Variants in DMD observed in about 807,000 individuals in gnomAD.
DMD encodes the protein mutant dystrophin.
DMD carries 63 observed loss-of-function variants against 330.1 expected under a neutral mutation model. The ratio of observed to expected loss-of-function variants is 0.19; its 90% CI spans 0.16 to 0.24. The LOEUF (loss-of-function observed/expected upper bound fraction) is 0.24. Ranked by LOEUF, DMD falls within the 10% of genes least tolerant of loss-of-function variation. The pLI is 1.00. For synonymous variants in DMD, 1,223 were observed against 959.8 expected (o/e 1.27, Z -5.07); for missense variants, 3,344 against 2,684.1 (o/e 1.25, Z -5.43).
At chrX:32,625,899 T>TA (rs951740329) in intron 11 of DMD, among the ~76,000 whole-genome samples, 5 of 111,204 alleles carry the variant, frequency 4.5e-5, no homozygotes, top group Admixed American at 9.5e-5. Flanking sequence ...ATCCTCAATT[T>TA]AAAAAAATAC....
At chrX:31,360,573 C>T (rs914903750) in intron 60 of DMD, among the ~76,000 whole-genome samples, 3 of 112,090 alleles carry the variant, frequency 2.7e-5, no homozygotes, top group African/African-American at 3.2e-5. Context: ...CTGCCAGAAA[C>T]GAAAACAAGA....
chrX:31,145,021 A>C (rs1250719183), intron 76 of DMD, among the ~76,000 whole-genome samples: 1 of 112,123 alleles, frequency 8.9e-6, no homozygotes, highest in African/African-American at 3.2e-5. Flanking sequence ...CATTGCTAAG[A>C]ATGAGAACAG....
At chrX:31,316,551 C>G (rs1400481357) in intron 62 of DMD, among the ~76,000 whole-genome samples, 1 of 111,628 alleles carries the variant, frequency 9.0e-6, no homozygotes, top group African/African-American at 3.3e-5. Context: ...CATCTCCCAA[C>G]AAGATCTATA....
chrX:32,318,364 A>T lies in DMD; in HGVS notation c.5923-8088T>A, dbSNP rs187772845. 3.6e-5 allele frequency among the ~76,000 whole-genome samples: 4 copies of T among 111,834 alleles called. No individual in the cohort carries two copies. The East Asian group carries it at 1.1e-3, about 32-fold the overall frequency. On this transcript the variant is annotated intron_variant, in intron 41 of 78. Transcript: ENST00000357033. ...TAAAGCATAAAAACAAAACAACATG[A>T]TGCAGGTGAGACGGGTATGGTTTTA...
intron 47 of DMD, among the ~76,000 whole-genome samples, chrX:31,883,843 A>C (rs977827684): frequency 2.7e-5 from 3 of 110,389 alleles, no homozygotes; most frequent in Admixed American, 9.7e-5. Context: ...ACATGAATAG[A>C]TATTTCTCTA....
chrX:32,458,910 G>T (rs1383004528), intron 25 of DMD, among the ~76,000 whole-genome samples: 2 of 110,937 alleles, frequency 1.8e-5, no homozygotes, highest in Non-Finnish European at 3.8e-5. Flanking sequence ...TCATTTGCCA[G>T]ACATATGATT....
chrX:31,139,474 T>TACACACACAC (rs57784155), intron 76 of DMD, among the ~76,000 whole-genome samples: 6 of 98,585 alleles, frequency 6.1e-5, no homozygotes, highest in African/African-American at 2.3e-4. Context: ...GGTGTTTATA[T>TACACACACAC]ACACACACAC....
At chrX:32,423,594 C>T (rs947318525) in intron 29 of DMD, among the ~76,000 whole-genome samples, 7 of 110,529 alleles carry the variant, frequency 6.3e-5, no homozygotes, top group Non-Finnish European at 1.1e-4. Context: ...CATTTAACTA[C>T]TGTTTTATAT....
chrX:32,475,538 G>T (rs228400), intron 21 of DMD, among the ~76,000 whole-genome samples: 174 of 111,534 alleles, frequency 1.6e-3, no homozygotes, highest in Non-Finnish European at 2.7e-3. Context: ...TTTCAGCAGT[G>T]TTTGGTAGTT....
At chrX:33,260,731 G>A (rs1345331443) in intron 1 of DMD, among the ~76,000 whole-genome samples, 1 of 111,328 alleles carries the variant, frequency 9.0e-6, no homozygotes, top group Non-Finnish European at 1.9e-5. Flanking sequence ...TATTCATTCT[G>A]TTTTCTTGCT....
chrX:32,912,035 G>GAC (rs2087301458), intron 2 of DMD, among the ~76,000 whole-genome samples: 1 of 64,180 alleles, frequency 1.6e-5, no homozygotes, highest in Non-Finnish European at 3.0e-5. Flanking sequence ...GAAGGGGAGA[G>GAC]AGAGAGAGAG....
chrX:32,549,691 A>G (rs1038260948), intron 16 of DMD, among the ~76,000 whole-genome samples: 1 of 111,683 alleles, frequency 9.0e-6, no homozygotes, highest in African/African-American at 3.2e-5. Flanking sequence ...ATTCTGAGAA[A>G]AATTGGAAGA....
At chrX:31,286,383 T>C (rs974243228) in intron 62 of DMD, among the ~76,000 whole-genome samples, 1 of 112,650 alleles carries the variant, frequency 8.9e-6, no homozygotes, top group Non-Finnish European at 1.9e-5. Flanking sequence ...AAAATGACAA[T>C]ATATATGCAC....
rs10543882 is a variant in DMD at position 32,627,148 on chromosome X, G to GCC, written c.1332-12697_1332-12696dup. On this transcript the variant is annotated intron_variant, in intron 11 of 78. Transcript: ENST00000357033. ...TTGAGAACGATTGTGCCTCTTCCCC[G>GCC]CCCCCCCCCCCGCCCCAGGACACAG... is the stretch of plus-strand genomic sequence containing the variant. 2.3e-3 allele frequency among the ~76,000 whole-genome samples: 74 copies of GCC among 32,885 alleles called. 2 individuals carry two copies. The highest frequency in any genetic ancestry group is 5.3e-3 in the African/African-American group (40 of 7,538). The allele number at this position is 32,885 out of a possible 115,157, so 28.6% of individuals were successfully genotyped here. A position where few individuals can be genotyped will look rare whatever the true frequency, so the allele number is the denominator to read the frequency against.
chrX:32,029,732 C>T (rs1180267975), intron 44 of DMD, among the ~76,000 whole-genome samples: 1 of 111,889 alleles, frequency 8.9e-6, no homozygotes, highest in African/African-American at 3.2e-5. Flanking sequence ...GGTTGTCTTC[C>T]TTCAATTCTG....
At chrX:32,635,988 C>A (rs2146682049) in intron 11 of DMD, among the ~76,000 whole-genome samples, 1 of 112,062 alleles carries the variant, frequency 8.9e-6, no homozygotes, top group African/African-American at 3.2e-5. Context: ...ACTAGATCTG[C>A]TTTCCTCCAA....
At chrX:31,795,865 G>A (rs73461863) in intron 50 of DMD, among the ~76,000 whole-genome samples, 13,192 of 111,597 alleles carry the variant, frequency 0.12, 556 homozygotes, top group East Asian at 0.18. Context: ...AGAATGTAAT[G>A]GTAAGTTTAC....
chrX:33,182,747 A>G (rs920640569), intron 1 of DMD, among the ~76,000 whole-genome samples: 1 of 112,681 alleles, frequency 8.9e-6, no homozygotes, highest in Non-Finnish European at 1.9e-5. Context: ...TATTTACAAG[A>G]TATGACAATT....
chrX:33,136,072 T>C (rs1176113707), intron 1 of DMD, among the ~76,000 whole-genome samples: 3 of 110,915 alleles, frequency 2.7e-5, no homozygotes, highest in Non-Finnish European at 3.8e-5. Flanking sequence ...CCCAGCACTT[T>C]GGAAGGCCAA....
Sources: gnomAD v4.1 joint callset for allele counts (sites outside exome capture counted in the v4.1 genomes callset) on GRCh38, gnomAD v4.1.1 for gene constraint, MANE v1.5 for transcripts, NCBI Gene and HGNC (gene_info 2026-07-23, HGNC 2026-07-21) for gene names.